The following SYNE2 variants were observed in gnomAD, a reference collection of about 807,000 sequenced individuals.
SYNE2 encodes nesprin-2.
In SYNE2, 431 loss-of-function variants were observed where a neutral mutation model predicts 856.3. The ratio of observed to expected loss-of-function variants is 0.50; its 90% CI spans 0.47 to 0.55. SYNE2 has a LOEUF of 0.55. Ranked by LOEUF, SYNE2 falls within the 20% of genes least tolerant of loss-of-function variation. The pLI is 0.00. For missense variants in SYNE2, 8,129 were observed against 8,023.2 expected (o/e 1.01, Z -0.50); for synonymous variants, 2,923 against 2,872.3 (o/e 1.02, Z -0.56).
intron 8 of SYNE2, among the ~76,000 whole-genome samples, chr14:63,959,498 G>T (rs750438808): frequency 6.6e-6 from 1 of 151,450 alleles, no homozygotes; most frequent in Non-Finnish European, 1.5e-5. Context: ...GGGTTTCGCC[G>T]TGTTGGCCAG....
At chr14:63,935,186 T>A (rs977122813) in intron 2 of SYNE2, among the ~76,000 whole-genome samples, 2 of 152,194 alleles carry the variant, frequency 1.3e-5, no homozygotes, top group Admixed American at 6.5e-5. Flanking sequence ...GAGAAATTTA[T>A]ATAAGACAGG....
Position 64,163,407 on chromosome 14 carries a change from G to A in SYNE2, c.16305G>A (p.Leu5435=), listed in dbSNP as rs116758464. Residue 5435 remains leucine, a synonymous_variant, in exon 89 of 116, where the codon CTG becomes CTA. Transcript: ENST00000555002. ...LPPALQDIKE[L]QHDVQKTKEA... ...CATCCCTTTTTCTTCTGCAGGAGCT[G>A]CAGCATGATGTGCAGAAAACAAAAG... 2,214 of 1,613,870 alleles carry A rather than the reference G, an allele frequency of 1.4e-3. 30 individuals are homozygous for A. The African/African-American group carries it at 0.025, about 18-fold the overall frequency.
chr14:64,033,065 G>A (rs1288856342), intron 45 of SYNE2, among the ~76,000 whole-genome samples: 1 of 152,190 alleles, frequency 6.6e-6, no homozygotes, highest in Non-Finnish European at 1.5e-5. Flanking sequence ...CTATTTGGGA[G>A]GCTGAGGTGG....
intron 107 of SYNE2, chr14:64,215,802 AT>A (rs1428787615): frequency 3.7e-6 from 2 of 535,100 alleles, no homozygotes; most frequent in African/African-American, 3.9e-5. Flanking sequence ...CCTTTCCTTG[AT>A]TTGCAGCTCT....
At chr14:63,936,967 GGGA>G (rs1206883961) in intron 2 of SYNE2, among the ~76,000 whole-genome samples, 1 of 152,164 alleles carries the variant, frequency 6.6e-6, no homozygotes, top group Non-Finnish European at 1.5e-5. Context: ...GTGAGAGAAA[GGGA>G]GGAGGCAACC....
chr14:64,190,830 G>A, intron 99 of SYNE2: 1 of 686,380 alleles, frequency 1.5e-6, no homozygotes, highest in Non-Finnish European at 2.7e-6. Context: ...AATCTTATCA[G>A]AAATAGCGCT....
intron 2 of SYNE2, among the ~76,000 whole-genome samples, chr14:63,937,218 T>C (rs1170754089): frequency 3.9e-5 from 6 of 152,094 alleles, no homozygotes; most frequent in Non-Finnish European, 8.8e-5. Flanking sequence ...GGAGAAGACC[T>C]GGAGACAGTA....
intron 1 of SYNE2, among the ~76,000 whole-genome samples, chr14:63,862,635 T>C (rs1894043856): frequency 6.6e-6 from 1 of 152,184 alleles, no homozygotes; most frequent in Non-Finnish European, 1.5e-5. Context: ...ATAGATAATA[T>C]TCTAGAATAG....
rs1319326162 is a variant in SYNE2 at position 63,794,613 on chromosome 14, C to T, written c.-305+32627C>T. Among the ~76,000 whole-genome samples, 3 of 152,112 alleles carry T rather than the reference C, an allele frequency of 2.0e-5. No homozygotes were observed. In the East Asian group the frequency reaches 5.8e-4, roughly 29 times the overall value. On this transcript the variant is annotated intron_variant, in intron 1 of 23. Coordinates refer to the SYNE2 transcript ENST00000674003. ...TAAAATGGATAGAATAGACATTTCACTAAAGAAAATATATAAATGTTTAAT... is the reference window on the plus strand; with the variant it reads ...TAAAATGGATAGAATAGACATTTCATTAAAGAAAATATATAAATGTTTAAT...
chr14:63,831,859 T>A (rs888341910), intron 1 of SYNE2, among the ~76,000 whole-genome samples: 3 of 152,126 alleles, frequency 2.0e-5, no homozygotes, highest in Admixed American at 6.6e-5. Flanking sequence ...ATAATGTTCA[T>A]TCTTCTAAGA....
Position 64,010,836 on chromosome 14 carries a change from G to A in SYNE2, c.4728+720G>A, listed in dbSNP as rs1484355211. On this transcript the variant is annotated intron_variant, in intron 32 of 115. Coordinates refer to ENST00000555002, the MANE Select transcript of SYNE2 (RefSeq NM_182914.3). Reference sequence around the variant, plus strand: ...GTATTTTTAGTAGAGACAGGGTTTCGCCGTGTTGGCCAGGCTGGTCTCAAA... The same window carrying A: ...GTATTTTTAGTAGAGACAGGGTTTCACCGTGTTGGCCAGGCTGGTCTCAAA... Among the ~76,000 whole-genome samples, 5 of 152,000 alleles carry A rather than the reference G, an allele frequency of 3.3e-5. No homozygotes were observed. In the South Asian group the frequency reaches 6.2e-4, roughly 19 times the overall value.
At chr14:63,969,174 T>TG (rs1203733620) in intron 11 of SYNE2, among the ~76,000 whole-genome samples, 2 of 150,472 alleles carry the variant, frequency 1.3e-5, no homozygotes, top group Admixed American at 6.6e-5. Flanking sequence ...TCATTCTTTT[T>TG]TTTTTTTTTT....
At chr14:63,882,172 G>A (rs2094880474) in intron 1 of SYNE2, among the ~76,000 whole-genome samples, 1 of 152,026 alleles carries the variant, frequency 6.6e-6, no homozygotes, top group Non-Finnish European at 1.5e-5. Flanking sequence ...CACGGAAAGG[G>A]GGATGAGAAG....
chr14:63,829,418 AAAAC>A (rs947880203), intron 1 of SYNE2, among the ~76,000 whole-genome samples: 1 of 152,038 alleles, frequency 6.6e-6, no homozygotes, highest in Non-Finnish European at 1.5e-5. Context: ...TCCTGTGTCA[AAAAC>A]AAACAAACAA....
At position 64,007,229 on chromosome 14, in the gene SYNE2, A is replaced by G. The variant is rs762984023; in HGVS notation, c.4577+7A>G. On this transcript the variant is annotated splice_region_variant and intron_variant, in intron 31 of 115. Transcript: ENST00000555002. ...AAGCCTTGGTCACCGAATGGTAAGGAAAAAAAAGAATCCCTCTTGAATCTG... is the reference window on the plus strand; with the variant it reads ...AAGCCTTGGTCACCGAATGGTAAGGGAAAAAAAGAATCCCTCTTGAATCTG... 1 of 1,609,650 alleles carries G rather than the reference A, an allele frequency of 6.2e-7. No homozygotes were observed. Among genetic ancestry groups the G allele is most frequent in the Admixed American group, 1.7e-5 (1 of 59,984 alleles).
At chr14:63,767,482 A>C (rs984232695) in intron 1 of SYNE2, among the ~76,000 whole-genome samples, 4 of 152,142 alleles carry the variant, frequency 2.6e-5, no homozygotes, top group Admixed American at 1.3e-4. Flanking sequence ...AAAATCATTT[A>C]AATTAAGTTA....
At chr14:63,949,265 A>G (rs907011965) in intron 6 of SYNE2, among the ~76,000 whole-genome samples, 1 of 152,156 alleles carries the variant, frequency 6.6e-6, no homozygotes, top group Non-Finnish European at 1.5e-5. Context: ...TATTGCCTTT[A>G]CATTTACTTT....
intron 2 of SYNE2, among the ~76,000 whole-genome samples, chr14:63,912,713 G>T (rs1025044716): frequency 2.0e-5 from 3 of 152,186 alleles, no homozygotes; most frequent in Admixed American, 1.3e-4. Context: ...CGCAAGAAAA[G>T]ATTAAAATGT....
intron 52 of SYNE2, among the ~76,000 whole-genome samples, chr14:64,071,739 G>A (rs976273460): frequency 8.5e-5 from 13 of 152,096 alleles, no homozygotes; most frequent in African/African-American, 2.9e-4. Context: ...AGCTGTGGCC[G>A]GGCATGGTGG....
Sources: gnomAD v4.1 joint callset for allele counts (sites outside exome capture counted in the v4.1 genomes callset) on GRCh38, gnomAD v4.1.1 for gene constraint, MANE v1.5 for transcripts, NCBI Gene and HGNC (gene_info 2026-07-23, HGNC 2026-07-21) for gene names.